Variants in STAM2 observed in about 807,000 individuals in gnomAD.
The protein encoded by STAM2 is signal transducing adapter molecule 2.
Under a neutral mutation model 65.6 loss-of-function variants are expected in STAM2, and 51 were observed. The ratio of observed to expected loss-of-function variants is 0.78; its 90% CI spans 0.62 to 0.98. The LOEUF is 0.98. STAM2 is among the 50% of genes least tolerant of loss of function. The pLI is 0.00. For synonymous variants in STAM2, 198 were observed against 208.4 expected, an observed-to-expected ratio of 0.95 and a Z score of 0.43; for missense variants, 584 against 617.8, an observed-to-expected ratio of 0.95 and a Z score of 0.58.
At chr2:152,139,905 C>T (rs1050457861) in intron 7 of STAM2, among the ~76,000 whole-genome samples, 18 of 152,064 alleles carry the variant, frequency 1.2e-4, no homozygotes, top group Admixed American at 3.3e-4. Context: ...ATTTGCATAG[C>T]ATTTACATTG....
intron 5 of STAM2, among the ~76,000 whole-genome samples, chr2:152,146,337 T>C (rs970852732): frequency 6.6e-6 from 1 of 151,462 alleles, no homozygotes; most frequent in Non-Finnish European, 1.5e-5. Flanking sequence ...GAAAATATAG[T>C]ACTTCTCATC....
intron 11 of STAM2, among the ~76,000 whole-genome samples, chr2:152,128,299 C>T (rs571873777): frequency 3.3e-5 from 5 of 151,824 alleles, no homozygotes; most frequent in East Asian, 3.9e-4. Context: ...CCCAGCTACA[C>T]GGGAGGCTGA....
Position 152,147,870 on chromosome 2 carries a change from A to C in STAM2, c.300+154T>G, listed in dbSNP as rs1031883101. ...TGGGGAGAATAGTTTTTGGTGCTAC[A>C]CATTAAAAAATCAAATTTCAGAACA... is the stretch of plus-strand genomic sequence containing the variant. On this transcript the variant is annotated intron_variant, in intron 4 of 13. Coordinates refer to ENST00000263904, the MANE Select transcript of STAM2 (RefSeq NM_005843.6). Among the ~76,000 whole-genome samples, 3 of 152,204 alleles carry C rather than the reference A, an allele frequency of 2.0e-5. No individual in the cohort carries two copies. In the East Asian group the frequency reaches 5.8e-4, roughly 29 times the overall value.
At position 152,126,274 on chromosome 2, in the gene STAM2, G is replaced by C. The variant is rs773446546; in HGVS notation, c.1131C>G (p.Leu377=). Residue 377 remains leucine (L), a synonymous_variant, in exon 12 of 14, where the codon CTC becomes CTG. Transcript: ENST00000263904. The part of the protein sequence containing the change: ...EAPVYSVYSK[L]HPPAHYPPAS... ...CAGGTGGGTAATGTGCTGGAGGGTG[G>C]AGCTTTGAATAGACTGAGTACACTG... is the stretch of plus-strand genomic sequence containing the variant. The C allele has an allele frequency of 6.2e-7, 1 of 1,611,386 alleles. No individual in the cohort carries two copies. Among genetic ancestry groups the C allele is most frequent in the Non-Finnish European group, 8.5e-7 (1 of 1,178,672 alleles).
Position 152,135,493 on chromosome 2 carries a change from C to G in STAM2, c.799+16G>C, listed in dbSNP as rs775940535. The stretch of plus-strand genomic sequence containing the variant: ...AAAACTTAAATAGATCTAATGTCGT[C>G]TAAGATTTAACTTACCTGCCTCAGT... On this transcript the variant is annotated intron_variant, in intron 8 of 13. Transcript: ENST00000263904. The G allele has an allele frequency of 1.9e-6, 3 of 1,563,490 alleles. No individual in the cohort carries two copies. Among genetic ancestry groups the G allele is most frequent in the Non-Finnish European group, 1.8e-6 (2 of 1,139,280 alleles).
At chr2:152,137,323 A>C (rs574737335) in intron 7 of STAM2, among the ~76,000 whole-genome samples, 1 of 152,224 alleles carries the variant, frequency 6.6e-6, no homozygotes, top group Non-Finnish European at 1.5e-5. Flanking sequence ...CTAACACTTG[A>C]TAATCAGACA....
chr2:152,168,174 CTTTT>C (rs1314776609), intron 1 of STAM2, among the ~76,000 whole-genome samples: 1 of 148,298 alleles, frequency 6.7e-6, no homozygotes, highest in East Asian at 2.0e-4. Context: ...TTTTTTTTTT[CTTTT>C]GAGATGGAGT....
chr2:152,175,214 T>C (rs1238304425), intron 1 of STAM2, among the ~76,000 whole-genome samples: 1 of 152,254 alleles, frequency 6.6e-6, no homozygotes, highest in Non-Finnish European at 1.5e-5. Flanking sequence ...GGGTCTCCAC[T>C]GCTGCATCAT....
chr2:152,124,020 G>C lies in STAM2; in HGVS notation c.1180-85C>G, dbSNP rs937201791. On this transcript the variant is annotated intron_variant, in intron 12 of 13. Coordinates refer to ENST00000263904, the MANE Select transcript of STAM2 (RefSeq NM_005843.6). ...ATTTAAAATGTTAAAAGACTTAAAG[G>C]AAAGAAACTATACTTCTTTGGGAAG... 1.3e-4 allele frequency: 155 copies of C among 1,151,836 alleles called. No homozygotes were observed. In the African/African-American group the frequency reaches 2.2e-3, roughly 17 times the overall value. 71.4% of individuals were successfully genotyped at this position (1,151,836 alleles called of 1,614,324 possible).
At chr2:152,145,100 C>G (rs887931697) in intron 5 of STAM2, 143 bp from the exon 6 acceptor site, 1 of 671,556 alleles carries the variant, frequency 1.5e-6, no homozygotes, top group Non-Finnish European at 2.6e-6. Flanking sequence ...GAGACAGGGT[C>G]TCATTCTGTC....
At position 152,143,978 on chromosome 2, in the gene STAM2, G is replaced by GT; in HGVS notation, c.552dup (p.His185ThrfsTer17). ...GGATATAAGGATTTTGTTTCTGTGT[G>GT]TTGCTGTTTCTGTTCTTGCAGCGAT... On this transcript the variant is annotated frameshift_variant, in exon 7 of 14. Transcript: ENST00000263904. LOFTEE classifies it high-confidence loss of function. 1 of 1,612,896 alleles carries GT rather than the reference G, an allele frequency of 6.2e-7. No homozygotes were observed. The highest frequency in any genetic ancestry group is 8.5e-7 in the Non-Finnish European group (1 of 1,179,730).
At chr2:152,153,235 T>C (rs1412768994) in intron 1 of STAM2, among the ~76,000 whole-genome samples, 1 of 152,204 alleles carries the variant, frequency 6.6e-6, no homozygotes, top group African/African-American at 2.4e-5. Context: ...TCACATTTTA[T>C]GTCTTTTCCT....
At chr2:152,139,393 C>A (rs1432043929) in intron 7 of STAM2, among the ~76,000 whole-genome samples, 1 of 152,166 alleles carries the variant, frequency 6.6e-6, no homozygotes, top group Non-Finnish European at 1.5e-5. Flanking sequence ...AATTAAGACA[C>A]CATTTGTGCC....
At chr2:152,163,418 T>C (rs1019818018) in intron 1 of STAM2, among the ~76,000 whole-genome samples, 1 of 152,224 alleles carries the variant, frequency 6.6e-6, no homozygotes, top group Non-Finnish European at 1.5e-5. Context: ...AGAATGTATG[T>C]CAACTCAAGA....
chr2:152,173,753 T>C lies in STAM2; in HGVS notation c.40+1850A>G, dbSNP rs541621179. Among the ~76,000 whole-genome samples the C allele has an allele frequency of 2.6e-5, 4 of 152,356 alleles. 1 individual carries two copies. In the South Asian group the frequency reaches 6.2e-4, roughly 24 times the overall value. ...GTTTTAAGATATTAAAAACGTAATA[T>C]ATAATTTTTCTTCTATGATATACGT... On this transcript the variant is annotated intron_variant, in intron 1 of 13. Coordinates refer to ENST00000263904, the MANE Select transcript of STAM2 (RefSeq NM_005843.6).
intron 1 of STAM2, among the ~76,000 whole-genome samples, chr2:152,151,596 C>T (rs1239985702): frequency 6.6e-6 from 1 of 152,204 alleles, no homozygotes; most frequent in Non-Finnish European, 1.5e-5. Flanking sequence ...GTACAACTAA[C>T]ACCAGTATCT....
intron 1 of STAM2, among the ~76,000 whole-genome samples, chr2:152,165,625 A>G (rs144587000): frequency 1.3e-3 from 198 of 152,218 alleles, no homozygotes; most frequent in African/African-American, 4.6e-3. Context: ...CAATAAAACA[A>G]CGAGGACCTG....
At chr2:152,147,362 C>A in intron 4 of STAM2, 54 bp from the exon 5 acceptor site, 2 of 1,409,952 alleles carry the variant, frequency 1.4e-6, no homozygotes, top group Admixed American at 2.6e-5. Context: ...AAAATAAGTA[C>A]TTAAATTATT....
chr2:152,127,255 G>A (rs1579311647), intron 11 of STAM2, among the ~76,000 whole-genome samples: 1 of 152,118 alleles, frequency 6.6e-6, no homozygotes, highest in Non-Finnish European at 1.5e-5. Flanking sequence ...CTAAGAACAT[G>A]GACAACTTGC....
Sources: allele counts gnomAD v4.1 joint callset (sites outside exome capture counted in the v4.1 genomes callset), GRCh38; gene constraint gnomAD v4.1.1; transcripts MANE v1.5; gene names NCBI Gene and HGNC (gene_info 2026-07-23, HGNC 2026-07-21).